The following OPCML variants were observed in gnomAD, a reference collection of about 807,000 sequenced individuals.
OPCML encodes the protein opioid-binding protein/cell adhesion molecule.
A neutral mutation model predicts 37.8 loss-of-function variants in OPCML; 13 were observed. That is an observed-to-expected ratio of 0.34 (90% CI 0.22 to 0.55). OPCML has a LOEUF of 0.55. Among genes scored for constraint, OPCML ranks in the 20% least tolerant of loss-of-function variants. OPCML has a pLI of 0.91. For missense variants in OPCML, 341 were observed against 435.6 expected (o/e 0.78, Z 1.93); for synonymous variants, 176 against 168.8 (o/e 1.04, Z -0.33).
intron 1 of OPCML, among the ~76,000 whole-genome samples, chr11:133,396,278 T>A (rs1446387936): frequency 6.6e-6 from 1 of 152,176 alleles, no homozygotes; most frequent in African/African-American, 2.4e-5. Flanking sequence ...TAAATTTACT[T>A]ATTAGTTCTA....
At chr11:133,375,155 T>C (rs1048295455) in intron 1 of OPCML, among the ~76,000 whole-genome samples, 12 of 152,210 alleles carry the variant, frequency 7.9e-5, no homozygotes, top group Admixed American at 6.5e-4. Context: ...AATTCTATTT[T>C]CCATAGAGTC....
At position 132,822,398 on chromosome 11, in the gene OPCML, G is replaced by A. The variant is rs117198979; in HGVS notation, c.146+120528C>T. Among the ~76,000 whole-genome samples, 885 of 152,282 alleles carry A rather than the reference G, an allele frequency of 5.8e-3. 4 individuals are homozygous for A. Among genetic ancestry groups the A allele is most frequent in the Admixed American group, 9.9e-3 (151 of 15,308 alleles). On this transcript the variant is annotated intron_variant, in intron 2 of 7. Coordinates refer to ENST00000524381, the MANE Select transcript of OPCML (RefSeq NM_001012393.5). ...GAAATAGATGCAAAACTCTGCACTCGGTGACATTCCCCTGAGAAACCAGGA... is the reference window on the plus strand; with the variant it reads ...GAAATAGATGCAAAACTCTGCACTCAGTGACATTCCCCTGAGAAACCAGGA...
At chr11:132,484,161 C>A (rs1164341008) in intron 4 of OPCML, among the ~76,000 whole-genome samples, 1 of 152,104 alleles carries the variant, frequency 6.6e-6, no homozygotes, top group Non-Finnish European at 1.5e-5. Flanking sequence ...TTTTTGCAAC[C>A]TACTCATCTG....
intron 1 of OPCML, chr11:133,421,744 T>C (rs1945891177): frequency 2.0e-6 from 2 of 985,308 alleles, no homozygotes; most frequent in African/African-American, 1.7e-5. Flanking sequence ...AAACAAACTG[T>C]GGCAATGACA....
chr11:132,590,790 T>C (rs1363240079), intron 3 of OPCML, among the ~76,000 whole-genome samples: 2 of 152,116 alleles, frequency 1.3e-5, no homozygotes, highest in African/African-American at 4.8e-5. Flanking sequence ...GTCCAACACA[T>C]CAACATCCCT....
chr11:133,090,039 A>T (rs1199969323), intron 1 of OPCML, among the ~76,000 whole-genome samples: 2 of 152,166 alleles, frequency 1.3e-5, no homozygotes, highest in Admixed American at 1.3e-4. Context: ...TCCTTGATGA[A>T]ACTTTAGTCT....
At chr11:132,801,453 T>A (rs1202855218) in intron 2 of OPCML, among the ~76,000 whole-genome samples, 3 of 152,186 alleles carry the variant, frequency 2.0e-5, no homozygotes, top group Admixed American at 1.3e-4. Flanking sequence ...CAGAATGGTA[T>A]ACCAGCCCTC....
chr11:132,772,871 G>A (rs1248244831), intron 2 of OPCML: 1 of 152,284 alleles, frequency 6.6e-6, no homozygotes, highest in Admixed American at 6.5e-5. Flanking sequence ...GGATGCAGAG[G>A]CAGAGTGTGA....
intron 1 of OPCML, among the ~76,000 whole-genome samples, chr11:133,388,649 T>C (rs1000994776): frequency 2.0e-5 from 3 of 152,194 alleles, no homozygotes; most frequent in Non-Finnish European, 2.9e-5. Flanking sequence ...AGAGAGAGTA[T>C]AATGAGTTGT....
chr11:133,338,456 G>T (rs1413019515), intron 1 of OPCML, among the ~76,000 whole-genome samples: 1 of 152,122 alleles, frequency 6.6e-6, no homozygotes, highest in Non-Finnish European at 1.5e-5. Context: ...CAGCTCTGAG[G>T]CTCTGCTGCC....
chr11:132,925,397 C>T (rs1266403495), intron 2 of OPCML, among the ~76,000 whole-genome samples: 1 of 152,156 alleles, frequency 6.6e-6, no homozygotes, highest in Non-Finnish European at 1.5e-5. Context: ...TGTAATTAGG[C>T]TGTGGGAAAA....
intron 1 of OPCML, among the ~76,000 whole-genome samples, chr11:133,074,547 A>C (rs1192178350): frequency 6.6e-6 from 1 of 152,076 alleles, no homozygotes; most frequent in Non-Finnish European, 1.5e-5. Flanking sequence ...TTTCCAGGCC[A>C]GACTTCAGAG....
At chr11:133,295,451 T>C (rs192739331) in intron 1 of OPCML, among the ~76,000 whole-genome samples, 1 of 152,174 alleles carries the variant, frequency 6.6e-6, no homozygotes, top group Admixed American at 6.5e-5. Context: ...TCTGAAAGTA[T>C]GGTGGATGAC....
chr11:132,619,000 C>T (rs547434886), intron 3 of OPCML, among the ~76,000 whole-genome samples: 6 of 139,836 alleles, frequency 4.3e-5, no homozygotes, highest in Non-Finnish European at 4.6e-5. Context: ...CACACACACA[C>T]CGTGTTTAGA....
At chr11:132,853,000 G>A (rs942452709) in intron 2 of OPCML, among the ~76,000 whole-genome samples, 16 of 152,044 alleles carry the variant, frequency 1.1e-4, no homozygotes, top group Admixed American at 7.8e-4. Flanking sequence ...AAAGTTTGCC[G>A]GCAGGAAAAA....
chr11:132,899,629 T>A (rs1333266890), intron 2 of OPCML, among the ~76,000 whole-genome samples: 5 of 152,112 alleles, frequency 3.3e-5, no homozygotes, highest in Non-Finnish European at 1.5e-5. Flanking sequence ...ACTTTAGGTG[T>A]CAATTTGACT....
At chr11:132,582,430 A>AAGTT (rs2096464030) in intron 3 of OPCML, among the ~76,000 whole-genome samples, 2 of 152,164 alleles carry the variant, frequency 1.3e-5, no homozygotes, top group Admixed American at 1.3e-4. Context: ...AAAAGTTTAA[A>AAGTT]TAATCCCAGT....
At chr11:133,082,648 G>C (rs1391042727) in intron 1 of OPCML, among the ~76,000 whole-genome samples, 5 of 28,994 alleles carry the variant, frequency 1.7e-4, no homozygotes, top group East Asian at 1.1e-3. Context: ...GTTCTGCGCC[G>C]AGTGGCACAG....
intron 1 of OPCML, chr11:133,422,949 C>T (rs1945922335): frequency 1.0e-6 from 1 of 985,198 alleles, no homozygotes; most frequent in African/African-American, 1.7e-5. Flanking sequence ...GAACAAAATG[C>T]TCTGATGGCA....
Sources: allele counts gnomAD v4.1 joint callset (sites outside exome capture counted in the v4.1 genomes callset), GRCh38; gene constraint gnomAD v4.1.1; transcripts MANE v1.5; gene names NCBI Gene and HGNC (gene_info 2026-07-23, HGNC 2026-07-21).